Variants in ST3GAL3 observed in about 807,000 individuals in gnomAD.
ST3GAL3 encodes CMP-N-acetylneuraminate-beta-1,4-galactoside alpha-2,3-sialyltransferase.
ST3GAL3 carries 21 observed loss-of-function variants against 50.1 expected under a neutral mutation model. The ratio of observed to expected loss-of-function variants is 0.42; its 90% CI spans 0.30 to 0.60. The LOEUF (loss-of-function observed/expected upper bound fraction) is 0.60. ST3GAL3 is among the 20% of genes least tolerant of loss of function. ST3GAL3 has a pLI of 0.19. For synonymous variants in ST3GAL3, 183 were observed against 190.0 expected, an observed-to-expected ratio of 0.96 and a Z score of 0.30; for missense variants, 353 against 489.4, an observed-to-expected ratio of 0.72 and a Z score of 2.63.
At chr1:43,785,703 T>C (rs1259349530) in intron 2 of ST3GAL3, among the ~76,000 whole-genome samples, 1 of 152,166 alleles carries the variant, frequency 6.6e-6, no homozygotes, top group African/African-American at 2.4e-5. Context: ...TCCAAGTCTC[T>C]ACACTTCTTT....
At chr1:43,854,990 T>C (rs769385294) in intron 5 of ST3GAL3, among the ~76,000 whole-genome samples, 2 of 152,176 alleles carry the variant, frequency 1.3e-5, no homozygotes, top group Non-Finnish European at 2.9e-5. Flanking sequence ...CTTATCACTA[T>C]TTAATCATAT....
At chr1:43,880,602 G>C (rs979187856) in intron 5 of ST3GAL3, among the ~76,000 whole-genome samples, 1 of 151,914 alleles carries the variant, frequency 6.6e-6, no homozygotes, top group African/African-American at 2.4e-5. Context: ...TTCATCTCCA[G>C]CCTCCATTCC....
At chr1:43,778,913 C>T (rs943245639) in intron 2 of ST3GAL3, among the ~76,000 whole-genome samples, 2 of 151,978 alleles carry the variant, frequency 1.3e-5, no homozygotes, top group African/African-American at 4.8e-5. Flanking sequence ...TCCCAAAGCG[C>T]TGGGATTACA....
intron 2 of ST3GAL3, among the ~76,000 whole-genome samples, chr1:43,740,639 T>C (rs1384122115): frequency 6.6e-6 from 1 of 151,764 alleles, no homozygotes; most frequent in Non-Finnish European, 1.5e-5. Flanking sequence ...GCCTTGTCTC[T>C]ACAAAAAAAT....
intron 2 of ST3GAL3, among the ~76,000 whole-genome samples, chr1:43,741,509 C>T (rs1170064754): frequency 6.6e-6 from 1 of 152,156 alleles, no homozygotes; most frequent in Non-Finnish European, 1.5e-5. Flanking sequence ...CTCTCTGGCA[C>T]AAAAGCGGAA....
intron 3 of ST3GAL3, chr1:43,801,730 G>A (rs1191285748): frequency 5.8e-6 from 1 of 172,722 alleles, no homozygotes; most frequent in Admixed American, 5.6e-5. Flanking sequence ...AAAGCAGGAG[G>A]ATCAGTTGAG....
rs771515699 is a variant in ST3GAL3, at chr1:43,899,152, G to A, written c.462-16G>A. The A allele has an allele frequency of 7.4e-6, 12 of 1,614,016 alleles. No homozygotes were observed. The highest frequency in any genetic ancestry group is 1.7e-5 in the Admixed American group (1 of 60,018). On this transcript the variant is annotated splice_polypyrimidine_tract_variant and intron_variant, in intron 7 of 11. Transcript: ENST00000347631. This position sits in a 1 kb window ranked among gnomAD's most constrained non-coding sequence, Gnocchi z 5.4. ...GGCAGCTCTCTGTACAGAGGTCTCC[G>A]CCTCTCTCCCCTCAGCCTCCGCTGC... is the stretch of plus-strand genomic sequence containing the variant.
rs185489571 is a variant in ST3GAL3, at chr1:43,792,234, T to C, written c.166+85T>C. 3.9e-5 allele frequency: 61 copies of C among 1,551,390 alleles called. No homozygotes were observed. In the East Asian group the frequency reaches 1.2e-3, roughly 31 times the overall value. On this transcript the variant is annotated intron_variant, in intron 3 of 11. Transcript: ENST00000347631. ...GAAGCCTAATCAAGTATGGGTTTGC[T>C]GGGGAGGGCAGTGGAATATCCCAGA...
At chr1:43,817,779 C>CTTTCT in intron 4 of ST3GAL3, among the ~76,000 whole-genome samples, 1 of 40,632 alleles carries the variant, frequency 2.5e-5, no homozygotes, top group Admixed American at 2.2e-4. Context: ...TTCTTCTCCT[C>CTTTCT]CTTCTTCTCC....
rs143635645 is a variant in ST3GAL3, at chr1:43,757,278, A to G, written c.118+20898A>G. Among the ~76,000 whole-genome samples, 437 of 152,288 alleles carry G rather than the reference A, an allele frequency of 2.9e-3. 4 individuals are homozygous for G. Among genetic ancestry groups the G allele is most frequent in the African/African-American group, 1.0e-2 (415 of 41,560 alleles). ...AGGCTTGGGTTTTTTTGTCTTTAAA[A>G]AATTTTTGCTTTGGTAGAAATTGAA... On this transcript the variant is annotated intron_variant, in intron 2 of 11. Coordinates refer to ENST00000347631, the MANE Select transcript of ST3GAL3 (RefSeq NM_006279.5).
chr1:43,816,621 C>T (rs1209440061), intron 4 of ST3GAL3, among the ~76,000 whole-genome samples: 4 of 152,190 alleles, frequency 2.6e-5, no homozygotes, highest in Non-Finnish European at 5.9e-5. Flanking sequence ...TTCTCTAGGA[C>T]ATACTACAGT....
At chr1:43,922,808 A>AG (rs1361552514) in intron 11 of ST3GAL3, among the ~76,000 whole-genome samples, 2 of 140,142 alleles carry the variant, frequency 1.4e-5, no homozygotes, top group Non-Finnish European at 3.1e-5. Flanking sequence ...AAAAAAGAAA[A>AG]AAAAAAAAAA....
intron 11 of ST3GAL3, among the ~76,000 whole-genome samples, chr1:43,925,723 A>G (rs2083802464): frequency 1.3e-5 from 2 of 152,232 alleles, no homozygotes; most frequent in South Asian, 4.1e-4. Context: ...ACATGGACCA[A>G]GGATTGAATG....
chr1:43,901,987 G>A (rs1418430724), intron 9 of ST3GAL3, among the ~76,000 whole-genome samples: 1 of 152,216 alleles, frequency 6.6e-6, no homozygotes, highest in Non-Finnish European at 1.5e-5. Flanking sequence ...CCCTTTGGCT[G>A]CCCAAGGGAC....
chr1:43,873,629 A>G (rs1262983609), intron 5 of ST3GAL3, among the ~76,000 whole-genome samples: 1 of 152,072 alleles, frequency 6.6e-6, no homozygotes, highest in East Asian at 1.9e-4. Flanking sequence ...CACTAAAAAT[A>G]CAAAAATTAG....
At chr1:43,894,646 T>G (rs1003590825) in intron 6 of ST3GAL3, among the ~76,000 whole-genome samples, 169 bp downstream of exon 6, 3 of 139,622 alleles carry the variant, frequency 2.1e-5, no homozygotes, top group South Asian at 4.5e-4. Context: ...TGTTTGTTTG[T>G]TTTTTTTTTT....
intron 1 of ST3GAL3, among the ~76,000 whole-genome samples, chr1:43,714,095 C>G (rs1474513038): frequency 1.3e-5 from 2 of 151,604 alleles, no homozygotes. Flanking sequence ...GAAACCCCGT[C>G]TCTATTAAAA....
At chr1:43,903,427 C>A (rs957105322) in intron 9 of ST3GAL3, among the ~76,000 whole-genome samples, 6 of 152,344 alleles carry the variant, frequency 3.9e-5, no homozygotes, top group Middle Eastern at 3.4e-3. Context: ...TGCCTTCCAA[C>A]CCCGTTTGCT....
chr1:43,760,482 G>T (rs374221578), intron 2 of ST3GAL3, among the ~76,000 whole-genome samples: 25 of 152,360 alleles, frequency 1.6e-4, no homozygotes, highest in African/African-American at 5.5e-4. Context: ...CAGGCCAGGC[G>T]CAGTGGCTCA....
Sources: gnomAD v4.1 joint callset for allele counts (sites outside exome capture counted in the v4.1 genomes callset) on GRCh38, gnomAD v4.1.1 for gene constraint, Gnocchi (gnomAD v3.1) non-coding constraint, MANE v1.5 for transcripts, NCBI Gene and HGNC (gene_info 2026-07-23, HGNC 2026-07-21) for gene names.